Variants in COX17 observed in about 807,000 individuals in gnomAD.
The protein encoded by COX17 is cytochrome c oxidase copper chaperone COX17.
In COX17, 1 loss-of-function variant was observed where a neutral mutation model predicts 6.3. The observed-to-expected ratio is 0.16, with a 90% CI of 0.06 to 0.75. The LOEUF (loss-of-function observed/expected upper bound fraction) is 0.75, where lower values mean the gene tolerates loss of function less well. Ranked by LOEUF, COX17 falls within the 30% of genes least tolerant of loss-of-function variation. COX17 has a pLI of 0.77. For synonymous variants in COX17, 26 were observed against 30.5 expected (o/e 0.85, Z 0.49); for missense variants, 73 against 81.2 (o/e 0.90, Z 0.39).
intron 2 of COX17, among the ~76,000 whole-genome samples, chr3:119,670,514 A>G (rs2053033098): frequency 6.6e-6 from 1 of 152,212 alleles, no homozygotes; most frequent in Admixed American, 6.5e-5. Flanking sequence ...AGCAGCCCAT[A>G]GCATTGTTAC....
At chr3:119,673,478 G>C (rs1277649870) in intron 2 of COX17, among the ~76,000 whole-genome samples, 2 of 152,172 alleles carry the variant, frequency 1.3e-5, no homozygotes, top group Non-Finnish European at 2.9e-5. Flanking sequence ...TAAAAATTCA[G>C]TACCTCACTC....
chr3:119,675,451 C>T (rs1036952043), intron 1 of COX17: 3 of 510,338 alleles, frequency 5.9e-6, no homozygotes, highest in Non-Finnish European at 1.1e-5. Context: ...GGGGGGAAAT[C>T]TGATAAGAAA....
At chr3:119,666,869 T>C (rs2052997777), downstream of COX17, 1 of 152,190 alleles carries the variant, frequency 6.6e-6, no homozygotes, top group Non-Finnish European at 1.5e-5. Context: ...AAATACATGA[T>C]GTTTATACTG....
At chr3:119,676,861 C>G (rs1033925453) in intron 1 of COX17, 2 of 702,864 alleles carry the variant, frequency 2.8e-6, no homozygotes, top group Non-Finnish European at 5.2e-6. Flanking sequence ...ACTCAACACA[C>G]ATTTGTAGGA....
At chr3:119,669,923 A>G (rs919269062) in intron 2 of COX17, among the ~76,000 whole-genome samples, 19 of 151,990 alleles carry the variant, frequency 1.3e-4, no homozygotes, top group Non-Finnish European at 1.8e-4. Context: ...CTCTGCGTGT[A>G]TATATATATA....
chr3:119,676,967 C>T (rs1487935481), intron 1 of COX17: 1 of 692,908 alleles, frequency 1.4e-6, no homozygotes, highest in Non-Finnish European at 2.6e-6. Flanking sequence ...ACCACGAAAC[C>T]TACAAGGCCC....
At chr3:119,675,290 G>T in intron 1 of COX17, 57 bp from the exon 2 acceptor site, 2 of 1,233,696 alleles carry the variant, frequency 1.6e-6, no homozygotes, top group Non-Finnish European at 2.4e-6. Context: ...TATTAAGTAT[G>T]CATGATAGTG....
chr3:119,674,167 C>G (rs889818371), intron 2 of COX17, among the ~76,000 whole-genome samples: 1 of 151,712 alleles, frequency 6.6e-6, no homozygotes, highest in Non-Finnish European at 1.5e-5. Context: ...TGGAGCGTCT[C>G]TGCCCAGCTG....
intron 2 of COX17, 39 bp downstream of exon 2, chr3:119,675,106 T>C: frequency 7.3e-7 from 1 of 1,376,810 alleles, no homozygotes; most frequent in Non-Finnish European, 1.0e-6. Flanking sequence ...TGTTGCTAAA[T>C]CTGTAAAGCA....
intron 1 of COX17, chr3:119,676,694 T>A: frequency 1.7e-6 from 1 of 601,720 alleles, no homozygotes; most frequent in Non-Finnish European, 3.0e-6. Context: ...AGAAAACCTT[T>A]CCTGTTTGGT....
downstream of COX17, among the ~76,000 whole-genome samples, chr3:119,668,697 T>C (rs1052238851): frequency 1.3e-5 from 2 of 152,102 alleles, no homozygotes; most frequent in African/African-American, 4.8e-5. Flanking sequence ...CTGATTCAGC[T>C]CCTTATTTTA....
At position 119,677,212 on chromosome 3, in the gene COX17, G is replaced by A. The variant is rs776964268; in HGVS notation, c.99C>T (p.Arg33=). The A allele has an allele frequency of 2.5e-6, 4 of 1,610,544 alleles. No individual in the cohort carries two copies. Among genetic ancestry groups the A allele is most frequent in the East Asian group, 2.2e-5 (1 of 44,828 alleles). The change falls in exon 1 of 3, where the codon CGC becomes CGT. Residue 33 remains arginine (R), a synonymous_variant. Transcript: ENST00000261070. ...TCCGGCTGCGCACTGACCACGCATC[G>A]CGCGCCTTCTTGGTCTCCGGGCAAG... ...CCACPETKKA[R]DACIIEKGEE...
downstream of COX17, among the ~76,000 whole-genome samples, chr3:119,668,079 T>C (rs1408684067): frequency 6.6e-6 from 1 of 152,180 alleles, no homozygotes; most frequent in Non-Finnish European, 1.5e-5. Flanking sequence ...TCACTGATGG[T>C]AAAATACCTT....
chr3:119,664,226 A>C (rs757973558), intron 3 of COX17, among the ~76,000 whole-genome samples: 1 of 152,318 alleles, frequency 6.6e-6, no homozygotes, highest in Admixed American at 6.5e-5. Context: ...AACCTAACTA[A>C]AATTCATGAG....
downstream of COX17, among the ~76,000 whole-genome samples, chr3:119,667,739 A>G (rs562646367): frequency 8.7e-4 from 131 of 150,950 alleles, 1 homozygote; most frequent in African/African-American, 2.8e-3. Flanking sequence ...AGAGAGAGAG[A>G]GACAGAGGTG....
intron 2 of COX17, among the ~76,000 whole-genome samples, chr3:119,673,231 T>G (rs764778488): frequency 6.6e-6 from 1 of 152,232 alleles, no homozygotes; most frequent in Non-Finnish European, 1.5e-5. Context: ...AGCTTTAATT[T>G]CCTTATTTAT....
At chr3:119,664,253 C>T (rs928213621) in intron 3 of COX17, among the ~76,000 whole-genome samples, 10 of 152,168 alleles carry the variant, frequency 6.6e-5, no homozygotes, top group African/African-American at 2.4e-4. Flanking sequence ...GGCGTGATGG[C>T]TTATGTCTAT....
chr3:119,676,199 C>T (rs566367685), intron 1 of COX17, among the ~76,000 whole-genome samples: 3 of 152,296 alleles, frequency 2.0e-5, no homozygotes, highest in South Asian at 2.1e-4. Flanking sequence ...ACTGTGGATC[C>T]CAGACTCTTA....
downstream of COX17, among the ~76,000 whole-genome samples, chr3:119,666,256 A>C (rs2052991258): frequency 6.6e-6 from 1 of 152,242 alleles, no homozygotes; most frequent in Non-Finnish European, 1.5e-5. Context: ...AAAGGGGACT[A>C]AGAGTCCATG....
Sources: allele counts gnomAD v4.1 joint callset (sites outside exome capture counted in the v4.1 genomes callset), GRCh38; gene constraint gnomAD v4.1.1; transcripts MANE v1.5; gene names NCBI Gene and HGNC (gene_info 2026-07-23, HGNC 2026-07-21).